Variants in CSNK1A1 observed in about 807,000 individuals in gnomAD.
CSNK1A1 encodes casein kinase 1 alpha 1.
CSNK1A1 carries 7 observed loss-of-function variants against 46.1 expected under a neutral mutation model. The observed-to-expected ratio is 0.15, with a 90% CI of 0.09 to 0.29. CSNK1A1 has a LOEUF of 0.29. Among genes scored for constraint, CSNK1A1 ranks in the 10% least tolerant of loss-of-function variants. CSNK1A1 has a pLI of 1.00. For missense variants in CSNK1A1, 96 were observed against 417.1 expected (o/e 0.23, Z 6.71); for synonymous variants, 137 against 141.5 (o/e 0.97, Z 0.23).
intron 2 of CSNK1A1, among the ~76,000 whole-genome samples, chr5:149,527,991 A>ACATTACAATTCTACTCTTCTAGCTATTT (rs1761773511): frequency 6.6e-6 from 1 of 152,236 alleles, no homozygotes; most frequent in African/African-American, 2.4e-5. Context: ...CAAACCTGAA[A>ACATTACAATTCTACTCTTCTAGCTATTT]TGTAAAAGGC....
At chr5:149,501,921 T>C (rs1367276425) in intron 9 of CSNK1A1, 2 of 947,040 alleles carry the variant, frequency 2.1e-6, no homozygotes, top group Non-Finnish European at 2.5e-6. Flanking sequence ...CTTGGGAACA[T>C]GAATAAAAAC....
chr5:149,550,890 A>T lies in CSNK1A1; in HGVS notation c.75T>A (p.Ser25=), dbSNP rs1295227489. 1 of 1,614,176 alleles carries T rather than the reference A, an allele frequency of 6.2e-7. No individual in the cohort carries two copies. The highest frequency in any genetic ancestry group is 1.1e-5 in the South Asian group (1 of 91,088). The change falls in exon 1 of 10, where the codon TCT becomes TCA. Residue 25 remains serine (S), a synonymous_variant. Coordinates refer to ENST00000377843, the MANE Select transcript of CSNK1A1 (RefSeq NM_001892.6). This position sits in a 1 kb window ranked among gnomAD's most constrained non-coding sequence, Gnocchi z 4.3. ...GKYKLVRKIG[S]GSFGDIYLAI... is the part of the protein sequence containing the mutation. The stretch of plus-strand genomic sequence containing the variant: ...CCAAATAGATGTCCCCGAAGGAGCC[A>T]GACCCGATCTTCCGTACCAGTTTAT...
intron 2 of CSNK1A1, among the ~76,000 whole-genome samples, chr5:149,541,970 C>CA (rs1171466150): frequency 0.41 from 16,171 of 39,790 alleles, 3,572 homozygotes; most frequent in Non-Finnish European, 0.49. Context: ...GACTGCATCT[C>CA]AAAAAAAAAA....
intron 2 of CSNK1A1, among the ~76,000 whole-genome samples, chr5:149,541,663 A>G (rs1440738386): frequency 6.6e-6 from 1 of 152,168 alleles, no homozygotes; most frequent in Non-Finnish European, 1.5e-5. Flanking sequence ...TTTTAGGTAC[A>G]GCTTAAATAT....
In CSNK1A1 at chr5:149,496,524, C is replaced by A; in HGVS notation, c.*329G>T. 1 of 332,566 alleles carries A rather than the reference C, an allele frequency of 3.0e-6. No individual in the cohort carries two copies. The highest frequency in any genetic ancestry group is 4.4e-5 in the Admixed American group (1 of 22,796). 20.6% of individuals were successfully genotyped at this position (332,566 alleles called of 1,614,324 possible). A position where few individuals can be genotyped will look rare whatever the true frequency, so the allele number is the denominator to read the frequency against. ...TATAGTTCAAAACAAAAGGTTTTAA[C>A]AAAAAATTGGCATATGCACAATTTC... is the stretch of plus-strand genomic sequence containing the variant. On this transcript the variant is annotated 3_prime_UTR_variant, in exon 10 of 10. Coordinates refer to ENST00000377843, the MANE Select transcript of CSNK1A1 (RefSeq NM_001892.6).
intron 4 of CSNK1A1, 37 bp downstream of exon 4, chr5:149,520,253 A>G: frequency 1.5e-6 from 2 of 1,292,302 alleles, no homozygotes; most frequent in Non-Finnish European, 2.2e-6. Flanking sequence ...TCGAAACTTT[A>G]CTCTTTGTTC....
chr5:149,509,990 T>TA, intron 6 of CSNK1A1, 37 bp from the exon 7 acceptor site: 15 of 1,420,912 alleles, frequency 1.1e-5, no homozygotes, highest in Non-Finnish European at 1.5e-5. Context: ...ATATACTCAG[T>TA]GCTACTGAGA....
intron 9 of CSNK1A1, chr5:149,502,329 TA>T: frequency 1.0e-6 from 1 of 968,958 alleles, no homozygotes; most frequent in Non-Finnish European, 1.2e-6. Context: ...AAGAGTAATA[TA>T]AAAAGCACCT....
At chr5:149,545,567 C>T (rs539317020) in intron 2 of CSNK1A1, 6 of 714,482 alleles carry the variant, frequency 8.4e-6, no homozygotes, top group African/African-American at 7.0e-5. Flanking sequence ...GCAAGTCAAT[C>T]GAGTTCGCAG....
At chr5:149,497,202 A>C (rs1289549820) in intron 9 of CSNK1A1, 1 of 1,034,964 alleles carries the variant, frequency 9.7e-7, no homozygotes. Flanking sequence ...CAAATCAATG[A>C]AAAACAGATT....
chr5:149,550,991 G>A lies in CSNK1A1; in HGVS notation c.-27C>T. 1.2e-6 allele frequency: 2 copies of A among 1,613,180 alleles called. No individual in the cohort carries two copies. Among genetic ancestry groups the A allele is most frequent in the Non-Finnish European group, 1.7e-6 (2 of 1,179,776 alleles). On this transcript the variant is annotated 5_prime_UTR_variant, in exon 1 of 10. Transcript: ENST00000377843. The surrounding 1 kb of genome is among the most constrained non-coding windows in gnomAD (Gnocchi z 4.3). The stretch of plus-strand genomic sequence containing the variant: ...CTGAGAGACGAAGATGGAGGCTGGG[G>A]CCAAGCCCCGACACCTCTGGGAAGA...
intron 2 of CSNK1A1, among the ~76,000 whole-genome samples, chr5:149,528,027 G>T (rs1166251557): frequency 3.9e-5 from 6 of 152,128 alleles, no homozygotes; most frequent in Middle Eastern, 3.2e-3. Flanking sequence ...ATATTTTCAT[G>T]CAATTAACAT....
rs563151856 is a variant in CSNK1A1 at position 149,538,409 on chromosome 5, G to A, written c.230+11666C>T. ...GAAAGAAATGGTTGTTCTCTTCAAC[G>A]TACTGTACAAGGTGTTGTATGTTAA... On this transcript the variant is annotated intron_variant, in intron 2 of 9. Coordinates refer to ENST00000377843, the MANE Select transcript of CSNK1A1 (RefSeq NM_001892.6). Among the ~76,000 whole-genome samples, 6 of 152,256 alleles carry A rather than the reference G, an allele frequency of 3.9e-5. No homozygotes were observed. The South Asian group carries it at 6.2e-4, about 16-fold the overall frequency.
chr5:149,525,190 A>G lies in CSNK1A1; in HGVS notation c.231-19T>C. ...ATACCACCTAACGAAACAAAAGGAGAAGAGAGGATATTACAAAAAGCTATT... is the reference window on the plus strand; with the variant it reads ...ATACCACCTAACGAAACAAAAGGAGGAGAGAGGATATTACAAAAAGCTATT... On this transcript the variant is annotated intron_variant, in intron 2 of 9. Coordinates refer to ENST00000377843, the MANE Select transcript of CSNK1A1 (RefSeq NM_001892.6). The surrounding 1 kb of genome is among the most constrained non-coding windows in gnomAD (Gnocchi z 4.2). The G allele has an allele frequency of 6.3e-7, 1 of 1,582,124 alleles. No homozygotes were observed. The highest frequency in any genetic ancestry group is 1.2e-5 in the South Asian group (1 of 85,482).
intron 2 of CSNK1A1, among the ~76,000 whole-genome samples, chr5:149,526,386 C>A (rs1761726406): frequency 6.6e-6 from 1 of 152,148 alleles, no homozygotes; most frequent in Admixed American, 6.6e-5. Context: ...AGGCTAGTCT[C>A]TAACTTCTGG....
At chr5:149,501,215 C>T (rs1312013796) in intron 9 of CSNK1A1, 26 of 985,236 alleles carry the variant, frequency 2.6e-5, no homozygotes, top group Admixed American at 6.2e-5. Context: ...CACTTTCATC[C>T]GCATTTCCTG....
intron 2 of CSNK1A1, among the ~76,000 whole-genome samples, chr5:149,532,607 T>C (rs2113148742): frequency 6.6e-6 from 1 of 151,890 alleles, no homozygotes; most frequent in South Asian, 2.1e-4. Flanking sequence ...GAGAATCACT[T>C]GAACCTGGGA....
At chr5:149,536,596 A>C (rs1419950293) in intron 2 of CSNK1A1, among the ~76,000 whole-genome samples, 5 of 152,232 alleles carry the variant, frequency 3.3e-5, no homozygotes, top group Non-Finnish European at 5.9e-5. Flanking sequence ...GGCTGCAAAC[A>C]TACAGCAAAG....
At chr5:149,501,160 C>A in intron 9 of CSNK1A1, 1 of 985,374 alleles carries the variant, frequency 1.0e-6, no homozygotes, top group Non-Finnish European at 1.2e-6. Flanking sequence ...GAAGGTCCAG[C>A]AGTCTTGGAG....
Sources: allele counts gnomAD v4.1 joint callset (sites outside exome capture counted in the v4.1 genomes callset), GRCh38; gene constraint gnomAD v4.1.1; non-coding constraint Gnocchi (gnomAD v3.1); transcripts MANE v1.5; gene names NCBI Gene and HGNC (gene_info 2026-07-23, HGNC 2026-07-21).